BOP1: variants seen among roughly 807,000 people sequenced by gnomAD.
BOP1 encodes ribosome biogenesis protein BOP1.
A neutral mutation model predicts 82.9 loss-of-function variants in BOP1; 54 were observed. The ratio of observed to expected loss-of-function variants is 0.65; its 90% CI spans 0.52 to 0.82. BOP1 has a LOEUF of 0.82. Among genes scored for constraint, BOP1 ranks in the 40% least tolerant of loss-of-function variants. The probability of loss-of-function intolerance (pLI) is 0.00; values close to 1 mark genes in which losing one functional copy is unlikely to be tolerated. For missense variants in BOP1, 1,170 were observed against 1,072.0 expected (o/e 1.09, Z -1.28); for synonymous variants, 566 against 451.1 (o/e 1.25, Z -3.23).
chr8:144,287,658 C>A (rs1362228359), intron 2 of BOP1, among the ~76,000 whole-genome samples: 1 of 152,112 alleles, frequency 6.6e-6, no homozygotes, highest in African/African-American at 2.4e-5. Flanking sequence ...AGCCACTGTG[C>A]CTGGCCCAGT....
intron 2 of BOP1, among the ~76,000 whole-genome samples, chr8:144,280,942 TAATA>T (rs1845659996): frequency 6.6e-6 from 1 of 150,850 alleles, no homozygotes; most frequent in Non-Finnish European, 1.5e-5. Context: ...TCTCTCAGTT[TAATA>T]CCAGGTCTTT....
Position 144,268,008 on chromosome 8 carries a change from C to G in BOP1, c.391-2937G>C, listed in dbSNP as rs1845418430. On this transcript the variant is annotated intron_variant, in intron 3 of 15. Coordinates refer to ENST00000569669, the MANE Select transcript of BOP1 (RefSeq NM_015201.5). Reference sequence around the variant, plus strand: ...GAGCCGGGAAGGAGGTGCCTTGGCGCTGGCCACCTGAGATGGCACCCAGCA... The same window carrying G: ...GAGCCGGGAAGGAGGTGCCTTGGCGGTGGCCACCTGAGATGGCACCCAGCA... 8 of 1,538,236 alleles carry G rather than the reference C, an allele frequency of 5.2e-6. No homozygotes were observed. The South Asian group carries it at 9.6e-5, about 18-fold the overall frequency.
Position 144,272,250 on chromosome 8 carries a change from G to A in BOP1, c.390+3974C>T, listed in dbSNP as rs1019649459. 4.9e-4 allele frequency among the ~76,000 whole-genome samples: 74 copies of A among 152,144 alleles called. 1 individual carries two copies. The East Asian group carries it at 0.013, about 27-fold the overall frequency. Reference sequence around the variant, plus strand: ...CAGAGCTACAACTTCCAGGTGGGGTGGGGACAGGGCTCTAGAGGTCCACAC... The same window carrying A: ...CAGAGCTACAACTTCCAGGTGGGGTAGGGACAGGGCTCTAGAGGTCCACAC... On this transcript the variant is annotated intron_variant, in intron 3 of 15. Coordinates refer to ENST00000569669, the MANE Select transcript of BOP1 (RefSeq NM_015201.5).
intron 2 of BOP1, among the ~76,000 whole-genome samples, chr8:144,278,557 G>T (rs1280217847): frequency 6.6e-6 from 1 of 152,214 alleles, no homozygotes; most frequent in African/African-American, 2.4e-5. Context: ...CCGGTTCGGT[G>T]GGAAGAGAAC....
intron 2 of BOP1, among the ~76,000 whole-genome samples, chr8:144,282,790 G>T (rs551065964): frequency 1.6e-4 from 25 of 152,062 alleles, no homozygotes; most frequent in Non-Finnish European, 3.2e-4. Flanking sequence ...ACAGTCAGGG[G>T]AGGAGCTGCA....
chr8:144,274,730 G>A (rs1156608150), intron 3 of BOP1, among the ~76,000 whole-genome samples: 2 of 152,352 alleles, frequency 1.3e-5, no homozygotes, highest in East Asian at 1.9e-4. Context: ...CTGCCCACCC[G>A]GCAGGCGGCG....
Position 144,264,436 on chromosome 8 carries a change from A to C in BOP1, c.767T>G (p.Val256Gly). The change falls in exon 7 of 16, where the codon GTC (valine) becomes GGC (glycine). Residue 256 changes from valine to glycine, a missense_variant and splice_region_variant. Val to Gly is a moderately radical substitution (Grantham distance 109). Coordinates refer to ENST00000569669, the MANE Select transcript of BOP1 (RefSeq NM_015201.5). ...FIPSLVEKEKVSRMVHAIKMG... is the reference protein window; with the variant it reads ...FIPSLVEKEKGSRMVHAIKMG... ...CTTGATGGCGTGCACCATGCGAGAGACCTGCATAGACAGCCGGGTCAGGAC... is the reference window on the plus strand; with the variant it reads ...CTTGATGGCGTGCACCATGCGAGAGCCCTGCATAGACAGCCGGGTCAGGAC... 1 of 1,603,966 alleles carries C rather than the reference A, an allele frequency of 6.2e-7. No individual in the cohort carries two copies. Among genetic ancestry groups the C allele is most frequent in the Non-Finnish European group, 8.5e-7 (1 of 1,179,642 alleles).
At chr8:144,268,368 C>G (rs1422099162) in intron 3 of BOP1, 2 of 604,696 alleles carry the variant, frequency 3.3e-6, no homozygotes, top group Non-Finnish European at 5.8e-6. Context: ...CCCACTGGAA[C>G]TTTCTGCGCT....
At chr8:144,286,039 G>T (rs1814858435) in intron 2 of BOP1, among the ~76,000 whole-genome samples, 1 of 152,230 alleles carries the variant, frequency 6.6e-6, no homozygotes, top group Non-Finnish European at 1.5e-5. Context: ...GTTTCCACCT[G>T]CAGGGCTGCA....
At position 144,278,456 on chromosome 8, in the gene BOP1, G is replaced by A. The variant is rs1253020444; in HGVS notation, c.310-2152C>T. Among the ~76,000 whole-genome samples the A allele has an allele frequency of 6.6e-5, 10 of 152,210 alleles. No individual in the cohort carries two copies. In the East Asian group the frequency reaches 1.7e-3, roughly 26 times the overall value. The stretch of plus-strand genomic sequence containing the variant: ...GCCTCCCCTCCCCAGCATCAGGCCA[G>A]CCAGGCCGTGCCCCACTGCCACCAA... On this transcript the variant is annotated intron_variant, in intron 2 of 15. Transcript: ENST00000569669.
At chr8:144,275,146 G>T (rs1845549676) in intron 3 of BOP1, among the ~76,000 whole-genome samples, 1 of 152,048 alleles carries the variant, frequency 6.6e-6, no homozygotes. Context: ...GGCCCCCCGG[G>T]GACAGTTCCT....
chr8:144,274,620 G>A (rs1278207020), intron 3 of BOP1, among the ~76,000 whole-genome samples: 3 of 152,306 alleles, frequency 2.0e-5, no homozygotes, highest in South Asian at 2.1e-4. Flanking sequence ...GGCAGCACCC[G>A]GGCTCCCTCG....
intron 13 of BOP1, 40 bp downstream of exon 13, chr8:144,262,813 C>T: frequency 1.3e-6 from 1 of 751,580 alleles, no homozygotes; most frequent in Non-Finnish European, 1.9e-6. Context: ...GCCCCCCCCC[C>T]CACCCCTCAC....
At chr8:144,264,886 C>G in intron 4 of BOP1, 31 bp downstream of exon 4, 1 of 1,608,904 alleles carries the variant, frequency 6.2e-7, no homozygotes, top group South Asian at 1.1e-5. Context: ...GGGCCCACCC[C>G]GGCTGCTGGC....
At chr8:144,265,335 TC>T (rs1390723557) in intron 3 of BOP1, 2 of 558,840 alleles carry the variant, frequency 3.6e-6, no homozygotes, top group South Asian at 2.3e-5. Flanking sequence ...ACCCCAGAGC[TC>T]CCCCCTCACT....
chr8:144,290,951 A>T (rs1369336010), intron 1 of BOP1, among the ~76,000 whole-genome samples: 1 of 152,238 alleles, frequency 6.6e-6, no homozygotes, highest in Admixed American at 6.5e-5. Flanking sequence ...GCGTATACGT[A>T]GGTTAAGCAT....
chr8:144,262,088 G>A lies in BOP1; in HGVS notation c.*76C>T. ...GTTGGCAACCCCAATTCAAGAAGGT[G>A]GGAGCACCAGGCAGCACAGGGTAAA... On this transcript the variant is annotated 3_prime_UTR_variant, in exon 16 of 16. Coordinates refer to ENST00000569669, the MANE Select transcript of BOP1 (RefSeq NM_015201.5). The A allele has an allele frequency of 1.9e-6, 3 of 1,597,676 alleles. No homozygotes were observed. Among genetic ancestry groups the A allele is most frequent in the Admixed American group, 3.4e-5 (2 of 59,656 alleles).
At chr8:144,270,567 GC>G (rs1845476259) in intron 3 of BOP1, among the ~76,000 whole-genome samples, 1 of 152,176 alleles carries the variant, frequency 6.6e-6, no homozygotes, top group South Asian at 2.1e-4. Context: ...CGAGGGCCCG[GC>G]CCGCCAGCCA....
At chr8:144,276,409 A>C (rs1470662541) in intron 2 of BOP1, 105 bp from the exon 3 acceptor site, 1 of 1,271,118 alleles carries the variant, frequency 7.9e-7, no homozygotes, top group African/African-American at 1.5e-5. Context: ...GAGCAGCTCC[A>C]GCCTGGCACA....
Sources: gnomAD v4.1 joint callset for allele counts (sites outside exome capture counted in the v4.1 genomes callset) on GRCh38, gnomAD v4.1.1 for gene constraint, MANE v1.5 for transcripts, NCBI Gene and HGNC (gene_info 2026-07-23, HGNC 2026-07-21) for gene names.